Variants in MYO10 observed in about 807,000 individuals in gnomAD.
MYO10 encodes myosin X, also known as unconventional myosin-X.
Under a neutral mutation model 257.3 loss-of-function variants are expected in MYO10, and 133 were observed. The ratio of observed to expected loss-of-function variants is 0.52; its 90% CI spans 0.45 to 0.60. The LOEUF is 0.60. Ranked by LOEUF, MYO10 falls within the 20% of genes least tolerant of loss-of-function variation. MYO10 has a pLI of 0.00. For synonymous variants in MYO10, 1,104 were observed against 1,028.6 expected, an observed-to-expected ratio of 1.07 and a Z score of -1.40; for missense variants, 2,399 against 2,635.7, an observed-to-expected ratio of 0.91 and a Z score of 1.97.
chr5:16,796,434 AAGAAAGAC>A (rs1580001309), intron 3 of MYO10, among the ~76,000 whole-genome samples: 3 of 87,796 alleles, frequency 3.4e-5, no homozygotes, highest in African/African-American at 1.7e-4. Flanking sequence ...AAAGAAAGAA[AAGAAAGAC>A]AGAAAGAAAG....
At position 16,866,179 on chromosome 5, in the gene MYO10, C is replaced by A. The variant is rs192592159; in HGVS notation, c.120+11430G>T. Among the ~76,000 whole-genome samples, 26 of 152,150 alleles carry A rather than the reference C, an allele frequency of 1.7e-4. 1 individual carries two copies. Among genetic ancestry groups the A allele is most frequent in the Middle Eastern group, 3.4e-3 (1 of 294 alleles). On this transcript the variant is annotated intron_variant, in intron 2 of 40. Coordinates refer to ENST00000513610, the MANE Select transcript of MYO10 (RefSeq NM_012334.3). The stretch of plus-strand genomic sequence containing the variant: ...TAGTAATAGCAAATCCTTCAGACAC[C>A]CAGCAGAAAAAGTGAAAACCCCAAA...
At chr5:16,762,490 C>T (rs374928271) in intron 15 of MYO10, 55 bp downstream of exon 15, 5 of 1,403,556 alleles carry the variant, frequency 3.6e-6, no homozygotes, top group African/African-American at 2.8e-5. Flanking sequence ...GTGTGTAATC[C>T]CAACCCACAG....
chr5:16,792,130 C>CAGAGAGAGAGAG (rs1411093853), intron 4 of MYO10, among the ~76,000 whole-genome samples: 1 of 80,608 alleles, frequency 1.2e-5, no homozygotes, highest in African/African-American at 3.4e-5. Flanking sequence ...CACACACACA[C>CAGAGAGAGAGAG]ACAGAGAGAG....
In MYO10 at chr5:16,877,543, G is replaced by T. The variant is rs1744639612; in HGVS notation, c.120+66C>A. 3.1e-6 allele frequency: 4 copies of T among 1,295,068 alleles called. No individual in the cohort carries two copies. In the South Asian group the frequency reaches 3.7e-5, roughly 12 times the overall value. 80.2% of individuals were successfully genotyped at this position (1,295,068 alleles called of 1,614,324 possible). On this transcript the variant is annotated intron_variant, in intron 2 of 40. Transcript: ENST00000513610. Reference sequence around the variant, plus strand: ...ATGTGTAGGGGGGCCAAGCACACATGCCCTGGGCACGAATAGCTACAAAGC... The same window carrying T: ...ATGTGTAGGGGGGCCAAGCACACATTCCCTGGGCACGAATAGCTACAAAGC...
intron 21 of MYO10, among the ~76,000 whole-genome samples, chr5:16,707,055 G>A (rs956777742): frequency 2.6e-5 from 4 of 152,148 alleles, no homozygotes; most frequent in African/African-American, 7.2e-5. Flanking sequence ...CTGTTCTCAC[G>A]ACAGTGAATA....
intron 4 of MYO10, among the ~76,000 whole-genome samples, chr5:16,789,754 C>A (rs368742576): frequency 2.2e-4 from 33 of 152,300 alleles, no homozygotes; most frequent in African/African-American, 7.9e-4. Flanking sequence ...CGCACTCCAG[C>A]ATGGGCAACA....
intron 19 of MYO10, chr5:16,713,299 C>T: frequency 1.0e-6 from 1 of 985,312 alleles, no homozygotes; most frequent in Non-Finnish European, 1.2e-6. Context: ...CCAAAAGGGC[C>T]TCCCCATCCA....
At chr5:16,768,288 C>A (rs56228865) in intron 10 of MYO10, among the ~76,000 whole-genome samples, 1 of 152,168 alleles carries the variant, frequency 6.6e-6, no homozygotes, top group African/African-American at 2.4e-5. Context: ...CAGCAAATCT[C>A]TGAGACACTG....
intron 1 of MYO10, among the ~76,000 whole-genome samples, chr5:16,918,652 C>A (rs1171691623): frequency 6.6e-6 from 1 of 151,980 alleles, no homozygotes; most frequent in Non-Finnish European, 1.5e-5. Flanking sequence ...AGGCATGCAC[C>A]ATCACGCCTG....
chr5:16,904,861 G>A (rs1003776160), intron 1 of MYO10, among the ~76,000 whole-genome samples: 1 of 151,028 alleles, frequency 6.6e-6, no homozygotes, highest in East Asian at 2.0e-4. Context: ...CCCAGGAGGC[G>A]GAGCTTGCAG....
In MYO10 at chr5:16,664,216, C is replaced by T. The variant is rs1447873288; in HGVS notation, c.*2476G>A. 6.6e-6 allele frequency: 1 copy of T among 152,186 alleles called. No homozygotes were observed. Among genetic ancestry groups the T allele is most frequent in the African/African-American group, 2.4e-5 (1 of 41,434 alleles). 9.4% of individuals were successfully genotyped at this position (152,186 alleles called of 1,614,324 possible). ...AAACCACAACTATGCCATGTAAAGG[C>T]TCACATGTAAATCTATGTTCTAACT... is the stretch of plus-strand genomic sequence containing the variant. On this transcript the variant is annotated 3_prime_UTR_variant, in exon 41 of 41. Transcript: ENST00000513610.
chr5:16,888,873 T>C (rs1744964585), intron 1 of MYO10, among the ~76,000 whole-genome samples: 3 of 149,996 alleles, frequency 2.0e-5, no homozygotes, highest in African/African-American at 7.6e-5. Context: ...AATTACATAA[T>C]ATAAACAATA....
In MYO10 at chr5:16,766,162, G is replaced by T. The variant is rs752327513; in HGVS notation, c.1097C>A (p.Pro366Gln). 3.0e-5 allele frequency: 48 copies of T among 1,613,806 alleles called. No individual in the cohort carries two copies. In the East Asian group the frequency reaches 9.4e-4, roughly 31 times the overall value. ...GGTCAAAGCATCTGTGAGCTGTGTT[G>T]GGTCCAGCCCAAGTAACTCCGCAGA... ...GRSAELLGLD[P>Q]TQLTDALTQR... is the part of the protein sequence containing the mutation. Residue 366 changes from proline to glutamine, a missense_variant, in exon 11 of 41, where the codon CCA becomes CAA. By Grantham distance (76) the Pro-to-Gln change is moderately conservative. Coordinates refer to ENST00000513610, the MANE Select transcript of MYO10 (RefSeq NM_012334.3).
chr5:16,899,968 A>T (rs1235689725), intron 1 of MYO10, among the ~76,000 whole-genome samples: 2 of 135,204 alleles, frequency 1.5e-5, no homozygotes, highest in Non-Finnish European at 3.1e-5. Flanking sequence ...ACTGCGCTCC[A>T]GCCTGGGCAA....
At chr5:16,847,456 G>A (rs755512878) in intron 2 of MYO10, among the ~76,000 whole-genome samples, 5 of 151,782 alleles carry the variant, frequency 3.3e-5, no homozygotes, top group Non-Finnish European at 5.9e-5. Flanking sequence ...GGCAGGGCCA[G>A]GTGCAATCAC....
At chr5:16,724,222 T>G (rs1387061608) in intron 19 of MYO10, among the ~76,000 whole-genome samples, 1 of 152,174 alleles carries the variant, frequency 6.6e-6, no homozygotes, top group African/African-American at 2.4e-5. Flanking sequence ...CATAAAGAAC[T>G]GCATTTCAGC....
At chr5:16,712,069 G>A (rs1481373392) in intron 19 of MYO10, among the ~76,000 whole-genome samples, 1 of 141,904 alleles carries the variant, frequency 7.0e-6, no homozygotes, top group Non-Finnish European at 1.5e-5. Context: ...AGAACACAGT[G>A]ACTTGGTGAT....
At chr5:16,842,655 A>G (rs1310984344) in intron 2 of MYO10, among the ~76,000 whole-genome samples, 1 of 152,166 alleles carries the variant, frequency 6.6e-6, no homozygotes, top group African/African-American at 2.4e-5. Flanking sequence ...GGAACTTGGA[A>G]GGTTCACGCC....
At chr5:16,804,012 A>G (rs40020) in intron 3 of MYO10, among the ~76,000 whole-genome samples, 91,243 of 152,076 alleles carry the variant, frequency 0.6, 27,449 homozygotes, top group South Asian at 0.68. Flanking sequence ...CAAGGGGACA[A>G]TAAGATATTG....
Sources: allele counts gnomAD v4.1 joint callset (sites outside exome capture counted in the v4.1 genomes callset), GRCh38; gene constraint gnomAD v4.1.1; transcripts MANE v1.5; gene names NCBI Gene and HGNC (gene_info 2026-07-23, HGNC 2026-07-21).